The following SIPA1L1 variants were observed in gnomAD, a reference collection of about 807,000 sequenced individuals.
SIPA1L1 encodes the protein signal induced proliferation associated 1 like 1.
In SIPA1L1, 26 loss-of-function variants were observed where a neutral mutation model predicts 162.7. That is an observed-to-expected ratio of 0.16 (90% CI 0.12 to 0.22). The LOEUF (loss-of-function observed/expected upper bound fraction) is 0.22. Ranked by LOEUF, SIPA1L1 falls within the 10% of genes least tolerant of loss-of-function variation. The pLI, the probability that SIPA1L1 is intolerant of heterozygous loss-of-function variation, is 1.00. For missense variants in SIPA1L1, 1,874 were observed against 2,241.0 expected (o/e 0.84, Z 3.31); for synonymous variants, 829 against 837.4 (o/e 0.99, Z 0.17).
chr14:71,479,006 G>A (rs1414314086), intron 2 of SIPA1L1, among the ~76,000 whole-genome samples: 1 of 152,064 alleles, frequency 6.6e-6, no homozygotes, highest in East Asian at 1.9e-4. Context: ...ATTTTCTCCA[G>A]GTTTAGGAAT....
At chr14:71,426,768 A>C (rs1350424613) in intron 2 of SIPA1L1, among the ~76,000 whole-genome samples, 1 of 152,220 alleles carries the variant, frequency 6.6e-6, no homozygotes, top group Non-Finnish European at 1.5e-5. Flanking sequence ...CTGGGATTAC[A>C]GTTGTAAACC....
intron 2 of SIPA1L1, among the ~76,000 whole-genome samples, chr14:71,500,295 C>T (rs898740933): frequency 1.3e-5 from 2 of 152,200 alleles, no homozygotes; most frequent in African/African-American, 4.8e-5. Flanking sequence ...AAGCGTGACA[C>T]TCCCTCCCTC....
In SIPA1L1 at chr14:71,698,521, G is replaced by A. The variant is rs912767647; in HGVS notation, c.3375-460G>A. 3.9e-5 allele frequency among the ~76,000 whole-genome samples: 6 copies of A among 152,148 alleles called. No individual in the cohort carries two copies. In the South Asian group the frequency reaches 1.2e-3, roughly 32 times the overall value. On this transcript the variant is annotated intron_variant, in intron 13 of 23. Coordinates refer to ENST00000381232, the MANE Select transcript of SIPA1L1 (RefSeq NM_001386936.1). ...GCAAAATCTGAATATTCATTCCAGA[G>A]TGTGAATAATAAAATTGGAAAACAA...
intron 2 of SIPA1L1, among the ~76,000 whole-genome samples, chr14:71,388,162 A>T (rs1054210437): frequency 6.6e-6 from 1 of 152,216 alleles, no homozygotes; most frequent in African/African-American, 2.4e-5. Context: ...AATTTTCCCT[A>T]AGTCAGTAGA....
chr14:71,709,623 G>A lies in SIPA1L1; in HGVS notation c.4167G>A (p.Glu1389=). 1 of 1,614,154 alleles carries A rather than the reference G, an allele frequency of 6.2e-7. No individual in the cohort carries two copies. The change falls in exon 17 of 24, where the codon GAG becomes GAA. Residue 1389 remains glutamate (E), a synonymous_variant. Transcript: ENST00000381232. The part of the protein sequence containing the change: ...SQAGSTPLTR[E]NSTFSINDAA... ...CCGGCTCGACCCCTCTGACAAGGGA[G>A]AACAGCACCTTCAGTATAAACGATG...
chr14:71,418,613 C>T lies in SIPA1L1; in HGVS notation c.-464-94130C>T, dbSNP rs371743240. 3.9e-5 allele frequency among the ~76,000 whole-genome samples: 6 copies of T among 152,128 alleles called. No individual in the cohort carries two copies. The East Asian group carries it at 5.8e-4, about 15-fold the overall frequency. On this transcript the variant is annotated intron_variant, in intron 2 of 23. Transcript: ENST00000381232. ...AAGCTTGGGAGAAGCTTGCATTTGCCAGTTGATCATGAATTGCTAATGTTT... is the reference window on the plus strand; with the variant it reads ...AAGCTTGGGAGAAGCTTGCATTTGCTAGTTGATCATGAATTGCTAATGTTT...
intron 19 of SIPA1L1, among the ~76,000 whole-genome samples, chr14:71,728,957 G>A (rs1486217907): frequency 6.6e-6 from 1 of 152,190 alleles, no homozygotes; most frequent in Non-Finnish European, 1.5e-5. Context: ...AGAGGCAAAA[G>A]ATAAGAGATA....
intron 2 of SIPA1L1, among the ~76,000 whole-genome samples, chr14:71,348,642 T>C (rs1261979368): frequency 6.6e-6 from 1 of 152,228 alleles, no homozygotes; most frequent in African/African-American, 2.4e-5. Context: ...TGTGTTCCGC[T>C]TTATTAAAGT....
intron 2 of SIPA1L1, among the ~76,000 whole-genome samples, chr14:71,354,522 C>T (rs2037049250): frequency 1.3e-5 from 2 of 151,776 alleles, no homozygotes; most frequent in Non-Finnish European, 2.9e-5. Context: ...AGCAATCTGC[C>T]CGCCTTGGCC....
chr14:71,471,473 GA>G (rs775039390), intron 2 of SIPA1L1, among the ~76,000 whole-genome samples: 2 of 152,160 alleles, frequency 1.3e-5, no homozygotes, highest in East Asian at 1.9e-4. Context: ...TGTCTTGGGG[GA>G]AAAAAGTGTG....
intron 5 of SIPA1L1, among the ~76,000 whole-genome samples, chr14:71,589,986 C>T (rs1379704946): frequency 1.5e-5 from 2 of 136,702 alleles, no homozygotes; most frequent in African/African-American, 5.5e-5. Flanking sequence ...ACATAAGGGC[C>T]ACTTCCTTTC....
At chr14:71,411,779 G>T (rs1012930322) in intron 2 of SIPA1L1, among the ~76,000 whole-genome samples, 1 of 152,202 alleles carries the variant, frequency 6.6e-6, no homozygotes, top group Non-Finnish European at 1.5e-5. Context: ...GCTGCTTCGA[G>T]TTACTGTAGT....
chr14:71,618,079 C>G (rs1473130), intron 5 of SIPA1L1, among the ~76,000 whole-genome samples: 19,590 of 152,264 alleles, frequency 0.13, 1,346 homozygotes, highest in Non-Finnish European at 0.14. Flanking sequence ...GGTTTGGGGC[C>G]TTAGGCAAAA....
intron 10 of SIPA1L1, among the ~76,000 whole-genome samples, chr14:71,668,481 C>T (rs1221266041): frequency 6.6e-6 from 1 of 152,192 alleles, no homozygotes; most frequent in Non-Finnish European, 1.5e-5. Flanking sequence ...AAACAAGACA[C>T]CTTCCTGGTC....
intron 4 of SIPA1L1, among the ~76,000 whole-genome samples, chr14:71,536,628 T>A (rs927087595): frequency 1.3e-5 from 2 of 152,262 alleles, no homozygotes; most frequent in African/African-American, 4.8e-5. Context: ...TTTCAGCAGC[T>A]GTTAATGTCA....
intron 7 of SIPA1L1, among the ~76,000 whole-genome samples, chr14:71,633,440 G>A (rs766302774): frequency 1.3e-5 from 2 of 152,114 alleles, no homozygotes; most frequent in Non-Finnish European, 2.9e-5. Flanking sequence ...CCAAAGTGCT[G>A]GGATTACAGG....
intron 2 of SIPA1L1, among the ~76,000 whole-genome samples, chr14:71,470,439 G>A (rs189155766): frequency 1.1e-4 from 16 of 152,168 alleles, no homozygotes; most frequent in Admixed American, 1.0e-3. Flanking sequence ...GTAACTGGGG[G>A]CATTGCAAGA....
intron 10 of SIPA1L1, among the ~76,000 whole-genome samples, chr14:71,667,759 A>G (rs993287254): frequency 6.6e-6 from 1 of 152,158 alleles, no homozygotes; most frequent in Non-Finnish European, 1.5e-5. Flanking sequence ...TTTATCCACT[A>G]AACTGTTCAG....
chr14:71,565,575 A>G (rs1032959895), intron 4 of SIPA1L1, among the ~76,000 whole-genome samples: 2 of 152,224 alleles, frequency 1.3e-5, no homozygotes, highest in Non-Finnish European at 2.9e-5. Context: ...ACTCCTTGCC[A>G]TGTCCTTTAG....
Sources: gnomAD v4.1 joint callset for allele counts (sites outside exome capture counted in the v4.1 genomes callset) on GRCh38, gnomAD v4.1.1 for gene constraint, MANE v1.5 for transcripts, NCBI Gene and HGNC (gene_info 2026-07-23, HGNC 2026-07-21) for gene names.